The following KNL1 variants were observed in gnomAD, a reference collection of about 807,000 sequenced individuals.
The protein encoded by KNL1 is kinetochore scaffold 1.
A neutral mutation model predicts 201.3 loss-of-function variants in KNL1; 66 were observed. The observed-to-expected ratio is 0.33, with a 90% CI of 0.27 to 0.40. The LOEUF is 0.40. Ranked by LOEUF, KNL1 falls within the 10% of genes least tolerant of loss-of-function variation. The pLI, the probability that KNL1 is intolerant of heterozygous loss-of-function variation, is 1.00. For synonymous variants in KNL1, 895 were observed against 899.2 expected (o/e 1.00, Z 0.08); for missense variants, 2,815 against 2,690.5 (o/e 1.05, Z -1.02).
At position 40,622,510 on chromosome 15, in the gene KNL1, A is replaced by G. The variant is rs754886432; in HGVS notation, c.2246A>G (p.His749Arg). ...SLSNPTPDYC[H>R]DKMIICSEEE... ...AGCAATCCCACACCTGACTATTGCC[A>G]TGACAAGATGATTATATGTTCAGAG... Residue 749 changes from histidine (H) to arginine (R), a missense_variant, in exon 10 of 26, where the codon CAT becomes CGT. This residue lies in a region of KNL1 where 2,464 missense variants were observed against 2,291.7 expected (regional missense o/e 1.08). Coordinates refer to ENST00000399668, the MANE Select transcript of KNL1 (RefSeq NM_144508.5). The G allele has an allele frequency of 3.7e-6, 6 of 1,613,924 alleles. No individual in the cohort carries two copies. The highest frequency in any genetic ancestry group is 5.1e-6 in the Non-Finnish European group (6 of 1,179,932).
At chr15:40,616,756 CT>C (rs1424691379) in intron 8 of KNL1, among the ~76,000 whole-genome samples, 1 of 152,160 alleles carries the variant, frequency 6.6e-6, no homozygotes, top group Non-Finnish European at 1.5e-5. Context: ...TTCAATGACA[CT>C]GTTTTGCTTA....
rs144150763 is a variant in KNL1, at chr15:40,642,142, G to A, written c.5798+1115G>A. Among the ~76,000 whole-genome samples the A allele has an allele frequency of 1.0e-3, 155 of 152,356 alleles. No homozygotes were observed. In the East Asian group the frequency reaches 0.017, roughly 16 times the overall value. On this transcript the variant is annotated intron_variant, in intron 14 of 25. Transcript: ENST00000399668. ...TGGCTGGGCGCAGTGGCTCACGCCT[G>A]TAATCCCAGCACTTTGGGAGGCTGA...
intron 25 of KNL1, among the ~76,000 whole-genome samples, chr15:40,661,213 C>G (rs889948307): frequency 3.3e-5 from 5 of 152,032 alleles, no homozygotes; most frequent in Non-Finnish European, 7.4e-5. Context: ...TTGTTTTTGA[C>G]TGGGCGTGGT....
intron 8 of KNL1, 66 bp from the exon 9 acceptor site, chr15:40,618,893 T>G: frequency 9.7e-7 from 1 of 1,029,024 alleles, no homozygotes; most frequent in Non-Finnish European, 1.5e-6. Context: ...ATGAAGAACC[T>G]AAGAAAAGGA....
intron 25 of KNL1, among the ~76,000 whole-genome samples, chr15:40,659,927 T>TGTGTGTG (rs71104714): frequency 1.1e-4 from 16 of 150,582 alleles, no homozygotes; most frequent in South Asian, 4.2e-4. Context: ...TGTGTGTGTG[T>TGTGTGTG]TTGAGATGGA....
At chr15:40,633,971 T>A (rs1227817975) in intron 13 of KNL1, among the ~76,000 whole-genome samples, 1 of 152,226 alleles carries the variant, frequency 6.6e-6, no homozygotes, top group Non-Finnish European at 1.5e-5. Flanking sequence ...TCCATGGGTG[T>A]TATTATTTCT....
chr15:40,606,254 G>A (rs1175643946), intron 3 of KNL1, 139 bp from the exon 4 acceptor site: 4 of 603,184 alleles, frequency 6.6e-6, no homozygotes, highest in South Asian at 4.1e-5. Context: ...ACACGGTATA[G>A]CATTGAGCAG....
Position 40,628,666 on chromosome 15 carries a change from G to C in KNL1, c.5571G>C (p.Glu1857Asp), listed in dbSNP as rs746685358. 1 of 1,583,074 alleles carries C rather than the reference G, an allele frequency of 6.3e-7. No homozygotes were observed. The highest frequency in any genetic ancestry group is 8.6e-7 in the Non-Finnish European group (1 of 1,159,852). ...SQFLRDTICEESLREKLQDGR... is the reference protein window; with the variant it reads ...SQFLRDTICEDSLREKLQDGR... ...TTCTCAGAGATACTATTTGTGAAGA[G>C]AGCTTGAGGGAGGTATGTTAAAATT... The change falls in exon 12 of 26, where the codon GAG becomes GAC. Residue 1857 changes from glutamate to aspartate, a missense_variant. Around this residue, in one of 3 missense-constraint regions of KNL1, gnomAD observed 2,464 missense variants for 2,291.7 expected, o/e 1.08. Coordinates refer to ENST00000399668, the MANE Select transcript of KNL1 (RefSeq NM_144508.5).
intron 13 of KNL1, among the ~76,000 whole-genome samples, chr15:40,632,885 C>T (rs1892953036): frequency 6.6e-6 from 1 of 151,722 alleles, no homozygotes; most frequent in African/African-American, 2.4e-5. Flanking sequence ...CATAGTGAGA[C>T]TCTGTCTCTA....
At position 40,624,131 on chromosome 15, in the gene KNL1, T is replaced by C; in HGVS notation, c.3867T>C (p.Ser1289=). ...NRDRRNVDFT[S]SHATAVCGSS... is the part of the protein sequence containing the mutation. The stretch of plus-strand genomic sequence containing the variant: ...ATAGAAGAAATGTGGACTTTACAAG[T>C]AGTCATGCAACTGCTGTTTGTGGAT... The change falls in exon 10 of 26, where the codon AGT becomes AGC. Residue 1289 remains serine, a synonymous_variant. Coordinates refer to ENST00000399668, the MANE Select transcript of KNL1 (RefSeq NM_144508.5). 2 of 1,614,020 alleles carry C rather than the reference T, an allele frequency of 1.2e-6. No individual in the cohort carries two copies. Among genetic ancestry groups the C allele is most frequent in the Non-Finnish European group, 1.7e-6 (2 of 1,179,924 alleles).
In KNL1 at chr15:40,622,808, G is replaced by A; in HGVS notation, c.2544G>A (p.Trp848Ter). 6.2e-7 allele frequency: 1 copy of A among 1,612,978 alleles called. No individual in the cohort carries two copies. ...FPKEKQNVKI[W>*]GRKSVGGPKI... ...AGGAAAAGCAAAATGTCAAAATTTG[G>A]GGAAGGAAAAGTGTTGGTGGACCAA... The change falls in exon 10 of 26, where the codon TGG becomes TGA. Residue 848 changes from tryptophan (W) to a stop codon, truncating the protein, a stop_gained. Coordinates refer to ENST00000399668, the MANE Select transcript of KNL1 (RefSeq NM_144508.5). LOFTEE classifies it high-confidence loss of function.
intron 12 of KNL1, among the ~76,000 whole-genome samples, 158 bp downstream of exon 12, chr15:40,628,836 A>C (rs916958507): frequency 5.9e-5 from 9 of 152,180 alleles, no homozygotes; most frequent in Non-Finnish European, 1.2e-4. Context: ...AAGATCCAAC[A>C]TAACAATTAA....
intron 8 of KNL1, among the ~76,000 whole-genome samples, chr15:40,616,857 A>T (rs1892359823): frequency 2.0e-5 from 3 of 152,224 alleles, no homozygotes; most frequent in Non-Finnish European, 4.4e-5. Context: ...CCTACCCATT[A>T]TATAGGTATC....
At chr15:40,609,420 A>C (rs1400059614) in intron 5 of KNL1, among the ~76,000 whole-genome samples, 1 of 152,132 alleles carries the variant, frequency 6.6e-6, no homozygotes, top group Non-Finnish European at 1.5e-5. Flanking sequence ...GTCTCAAAAA[A>C]GAAAAAAGAA....
At chr15:40,644,937 C>A in intron 14 of KNL1, 60 bp from the exon 15 acceptor site, 1 of 1,048,174 alleles carries the variant, frequency 9.5e-7, no homozygotes, top group Non-Finnish European at 1.4e-6. Context: ...TACATAGACA[C>A]AGTAACAGTC....
intron 1 of KNL1, among the ~76,000 whole-genome samples, chr15:40,595,848 TCA>T (rs1157863792): frequency 6.6e-6 from 1 of 152,210 alleles, no homozygotes; most frequent in Admixed American, 6.5e-5. Context: ...CTCTGTCATT[TCA>T]CTCTTATCCT....
intron 24 of KNL1, 33 bp downstream of exon 24, chr15:40,657,506 C>T: frequency 1.8e-6 from 2 of 1,096,676 alleles, no homozygotes; most frequent in Non-Finnish European, 2.8e-6. Context: ...ACTGCCATGA[C>T]AGAGTACTAC....
intron 21 of KNL1, among the ~76,000 whole-genome samples, chr15:40,654,104 C>T (rs1002068807): frequency 3.9e-5 from 6 of 152,122 alleles, no homozygotes; most frequent in African/African-American, 1.2e-4. Flanking sequence ...ATCCACAGTG[C>T]CTAACACATA....
rs1340208259 is a variant in KNL1, at chr15:40,629,365, A to G, written c.5676A>G (p.Pro1892=). The G allele has an allele frequency of 1.3e-6, 2 of 1,592,124 alleles. No individual in the cohort carries two copies. Among genetic ancestry groups the G allele is most frequent in the South Asian group, 1.2e-5 (1 of 86,514 alleles). ...LIQKPRQSNL[P]GNFTVNTPPT... ...AGAAACCCCGACAGAGCAATCTCCC[A>G]GGCAATGTAAGTGCAGTTTCTTGGC... Residue 1892 remains proline (P), a synonymous_variant, in exon 13 of 26, where the codon CCA becomes CCG. Transcript: ENST00000399668.
Sources: allele counts gnomAD v4.1 joint callset (sites outside exome capture counted in the v4.1 genomes callset), GRCh38; gene constraint gnomAD v4.1.1; regional missense constraint gnomAD v4.1.1; transcripts MANE v1.5; gene names NCBI Gene and HGNC (gene_info 2026-07-23, HGNC 2026-07-21).